RABEP1: variants seen among roughly 807,000 people sequenced by gnomAD.
The protein encoded by RABEP1 is rabaptin, RAB GTPase binding effector protein 1, also known as rab GTPase-binding effector protein 1.
In RABEP1, 51 loss-of-function variants were observed where a neutral mutation model predicts 123.4. That is an observed-to-expected ratio of 0.41 (90% CI 0.33 to 0.52). The LOEUF is 0.52. Among genes scored for constraint, RABEP1 ranks in the 20% least tolerant of loss-of-function variants. The probability of loss-of-function intolerance (pLI) is 0.16; values close to 1 mark genes in which losing one functional copy is unlikely to be tolerated. For synonymous variants in RABEP1, 347 were observed against 355.2 expected, an observed-to-expected ratio of 0.98 and a Z score of 0.26; for missense variants, 888 against 996.3, an observed-to-expected ratio of 0.89 and a Z score of 1.46.
chr17:5,364,956 T>C (rs983408146), intron 10 of RABEP1, among the ~76,000 whole-genome samples, 166 bp from the exon 11 acceptor site: 6 of 152,006 alleles, frequency 3.9e-5, no homozygotes, highest in Non-Finnish European at 8.8e-5. Context: ...ACAGTACAGT[T>C]GTCTCTTGAG....
chr17:5,357,041 C>T (rs1909080328), intron 8 of RABEP1, among the ~76,000 whole-genome samples: 1 of 152,090 alleles, frequency 6.6e-6, no homozygotes, highest in African/African-American at 2.4e-5. Flanking sequence ...CCACGCCAGG[C>T]TAATTTTTGT....
At chr17:5,354,306 C>T (rs1908822957) in intron 7 of RABEP1, 53 bp from the exon 8 acceptor site, 3 of 1,494,100 alleles carry the variant, frequency 2.0e-6, no homozygotes, top group Non-Finnish European at 1.8e-6. Flanking sequence ...AGAACTGTGT[C>T]ACTTATTAAG....
chr17:5,367,303 G>T (rs776281116), intron 11 of RABEP1, among the ~76,000 whole-genome samples: 14 of 147,098 alleles, frequency 9.5e-5, no homozygotes, highest in Non-Finnish European at 2.0e-4. Flanking sequence ...TTTTTGTCTC[G>T]CTGTGTCGCC....
chr17:5,338,786 C>G (rs1907319601), intron 5 of RABEP1, among the ~76,000 whole-genome samples: 1 of 152,100 alleles, frequency 6.6e-6, no homozygotes, highest in Non-Finnish European at 1.5e-5. Context: ...GATGCCAGCT[C>G]CAGCATTGAT....
intron 1 of RABEP1, among the ~76,000 whole-genome samples, chr17:5,304,023 A>G (rs774973320): frequency 3.6e-4 from 51 of 139,760 alleles, no homozygotes; most frequent in Non-Finnish European, 6.6e-4. Context: ...GACAAGAGCG[A>G]AATTCCATCT....
At chr17:5,370,677 T>C (rs1910457084) in intron 12 of RABEP1, among the ~76,000 whole-genome samples, 1 of 152,220 alleles carries the variant, frequency 6.6e-6, no homozygotes, top group African/African-American at 2.4e-5. Context: ...AATGGTTCAA[T>C]GGGAGGTTCA....
chr17:5,340,310 T>C (rs1331006656), intron 5 of RABEP1, among the ~76,000 whole-genome samples: 2 of 152,098 alleles, frequency 1.3e-5, no homozygotes, highest in African/African-American at 2.4e-5. Flanking sequence ...TTCTCAACTG[T>C]GAAATGGGGA....
At chr17:5,311,838 G>A (rs1226803207) in intron 2 of RABEP1, among the ~76,000 whole-genome samples, 1 of 151,818 alleles carries the variant, frequency 6.6e-6, no homozygotes, top group Non-Finnish European at 1.5e-5. Context: ...GAAAAAGATA[G>A]CTTGTCAGCA....
At chr17:5,378,281 A>G (rs746100263) in intron 15 of RABEP1, 49 bp downstream of exon 15, 1 of 1,433,978 alleles carries the variant, frequency 7.0e-7, no homozygotes, top group Non-Finnish European at 9.8e-7. Context: ...GTGGTTATTT[A>G]CTGACTCCTA....
intron 2 of RABEP1, among the ~76,000 whole-genome samples, chr17:5,326,099 A>G (rs118042978): frequency 0.021 from 3,127 of 152,294 alleles, 102 homozygotes; most frequent in East Asian, 0.12. Context: ...TTTCTTACAA[A>G]ACTAGGCATA....
intron 13 of RABEP1, among the ~76,000 whole-genome samples, chr17:5,374,391 C>T (rs1456682244): frequency 6.6e-6 from 1 of 151,892 alleles, no homozygotes; most frequent in Admixed American, 6.6e-5. Flanking sequence ...AAACTGGTTT[C>T]CCAGAGACAT....
intron 2 of RABEP1, among the ~76,000 whole-genome samples, chr17:5,330,325 A>C (rs1906411998): frequency 6.6e-6 from 1 of 152,214 alleles, no homozygotes; most frequent in South Asian, 2.1e-4. Context: ...AAAATATTTT[A>C]AGAGTGATGG....
chr17:5,341,486 A>T (rs1308499253), intron 5 of RABEP1, among the ~76,000 whole-genome samples: 1 of 152,194 alleles, frequency 6.6e-6, no homozygotes, highest in East Asian at 1.9e-4. Context: ...TCTCACCAAA[A>T]GATATTAAAC....
At chr17:5,288,538 G>C (rs113512806) in intron 1 of RABEP1, among the ~76,000 whole-genome samples, 2 of 152,152 alleles carry the variant, frequency 1.3e-5, no homozygotes, top group African/African-American at 4.8e-5. Context: ...TGGGATTACA[G>C]GCATGTGCTG....
Position 5,359,936 on chromosome 17 carries a change from G to A in RABEP1, c.1096-1272G>A, listed in dbSNP as rs553678652. On this transcript the variant is annotated intron_variant, in intron 8 of 17. Transcript: ENST00000537505. Reference sequence around the variant, plus strand: ...GCACTGGTTTGCTTTTTGCCTTCAGGAATGTGCTGTACCACGTTGTTTAAA... The same window carrying A: ...GCACTGGTTTGCTTTTTGCCTTCAGAAATGTGCTGTACCACGTTGTTTAAA... Among the ~76,000 whole-genome samples the A allele has an allele frequency of 6.6e-5, 10 of 152,248 alleles. 1 individual carries two copies. Among genetic ancestry groups the A allele is most frequent in the African/African-American group, 1.4e-4 (6 of 41,548 alleles).
chr17:5,328,945 AT>A (rs1338417872), intron 2 of RABEP1, among the ~76,000 whole-genome samples: 2 of 151,616 alleles, frequency 1.3e-5, no homozygotes, highest in African/African-American at 4.8e-5. Flanking sequence ...AAAAAAAAAA[AT>A]AAATTATTAG....
rs878972858 is a variant in RABEP1, at chr17:5,282,376, G to GGGC, written c.-95_-93dup. Reference sequence around the variant, plus strand: ...GATCCAGCCTTAGCGGTTTCTCTCTGGGCGGCGGCGGCGGCGGCTCGGTTG... The same window carrying GGGC: ...GATCCAGCCTTAGCGGTTTCTCTCTGGGCGGCGGCGGCGGCGGCGGCTCGGTTG... On this transcript the variant is annotated 5_prime_UTR_variant, in exon 1 of 18. Coordinates refer to ENST00000537505, the MANE Select transcript of RABEP1 (RefSeq NM_004703.6). 6.3e-5 allele frequency: 56 copies of GGGC among 888,040 alleles called. No individual in the cohort carries two copies. Among genetic ancestry groups the GGGC allele is most frequent in the African/African-American group, 2.8e-4 (16 of 56,784 alleles). 55.0% of individuals were successfully genotyped at this position (888,040 alleles called of 1,614,324 possible). A position where few individuals can be genotyped will look rare whatever the true frequency, so the allele number is the denominator to read the frequency against.
At chr17:5,312,562 T>C (rs2075254877) in intron 2 of RABEP1, among the ~76,000 whole-genome samples, 1 of 152,192 alleles carries the variant, frequency 6.6e-6, no homozygotes, top group African/African-American at 2.4e-5. Flanking sequence ...GATTACTGAC[T>C]GTGGTATGGA....
At position 5,383,162 on chromosome 17, in the gene RABEP1, G is replaced by C. The variant is rs775981279; in HGVS notation, c.2528G>C (p.Arg843Thr). ...ATCCGGCAAGCTGACTCCTTGGAGA[G>C]AATCCGGGCAATTCTGAATGATACT... ...ERIRQADSLE[R>T]IRAILNDTKL... Residue 843 changes from arginine (R) to threonine (T), a missense_variant, in exon 18 of 18, where the codon AGA becomes ACA. Transcript: ENST00000537505. The C allele has an allele frequency of 6.2e-7, 1 of 1,614,050 alleles. No individual in the cohort carries two copies. The highest frequency in any genetic ancestry group is 8.5e-7 in the Non-Finnish European group (1 of 1,180,030).
Sources: allele counts gnomAD v4.1 joint callset (sites outside exome capture counted in the v4.1 genomes callset), GRCh38; gene constraint gnomAD v4.1.1; transcripts MANE v1.5; gene names NCBI Gene and HGNC (gene_info 2026-07-23, HGNC 2026-07-21).